The following RAB27B variants were observed in gnomAD, a reference collection of about 807,000 sequenced individuals.
RAB27B encodes the protein RAB27B, member RAS oncogene family, also known as ras-related protein Rab-27B.
RAB27B carries 15 observed loss-of-function variants against 24.6 expected under a neutral mutation model. The observed-to-expected ratio is 0.61, with a 90% CI of 0.41 to 0.94. The LOEUF (loss-of-function observed/expected upper bound fraction) is 0.94. Ranked by LOEUF, RAB27B falls within the 40% of genes least tolerant of loss-of-function variation. The pLI, the probability that RAB27B is intolerant of heterozygous loss-of-function variation, is 0.00. For missense variants in RAB27B, 261 were observed against 266.8 expected (o/e 0.98, Z 0.15); for synonymous variants, 105 against 92.5 (o/e 1.14, Z -0.78).
At chr18:54,745,134 T>C in intron 2 of RAB27B, 1 of 163,474 alleles carries the variant, frequency 6.1e-6, no homozygotes, top group Non-Finnish European at 1.3e-5. Context: ...TCCCAGCCTC[T>C]CACACAGGCA....
At chr18:54,841,375 G>A (rs1041211629) in intron 1 of RAB27B, among the ~76,000 whole-genome samples, 1 of 152,064 alleles carries the variant, frequency 6.6e-6, no homozygotes, top group Admixed American at 6.6e-5. Flanking sequence ...CATTGCATTA[G>A]GTATAAGTTA....
At chr18:54,726,093 TA>T (rs1909528702) in intron 2 of RAB27B, among the ~76,000 whole-genome samples, 3 of 151,676 alleles carry the variant, frequency 2.0e-5, no homozygotes, top group Admixed American at 6.6e-5. Flanking sequence ...TGTATTTTTA[TA>T]AGCAAGGTCC....
At chr18:54,748,996 C>T (rs1169259122) in intron 2 of RAB27B, among the ~76,000 whole-genome samples, 1 of 151,580 alleles carries the variant, frequency 6.6e-6, no homozygotes, top group Non-Finnish European at 1.5e-5. Context: ...GGGCAGAACA[C>T]GGGTTGTCTT....
chr18:54,883,042 A>G (rs1912990976), intron 3 of RAB27B, among the ~76,000 whole-genome samples: 1 of 152,114 alleles, frequency 6.6e-6, no homozygotes, highest in Admixed American at 6.6e-5. Context: ...CGAAAGATAT[A>G]TGTTAACTGT....
intron 1 of RAB27B, among the ~76,000 whole-genome samples, chr18:54,864,247 T>C (rs934229221): frequency 6.6e-6 from 1 of 152,226 alleles, no homozygotes; most frequent in African/African-American, 2.4e-5. Context: ...CCCATACTTT[T>C]CTAATAACTA....
chr18:54,781,367 G>A (rs1204059310), intron 2 of RAB27B, among the ~76,000 whole-genome samples: 1 of 151,970 alleles, frequency 6.6e-6, no homozygotes, highest in Non-Finnish European at 1.5e-5. Context: ...TTCATGCTTA[G>A]TTCAGCCAGC....
chr18:54,831,545 C>T (rs41483152), intron 1 of RAB27B, among the ~76,000 whole-genome samples: 2,963 of 152,288 alleles, frequency 0.019, 56 homozygotes, highest in South Asian at 0.088. Flanking sequence ...CTTTAATATT[C>T]GTCTAAGCCC....
chr18:54,798,071 A>G (rs768203586), intron 2 of RAB27B, among the ~76,000 whole-genome samples: 12 of 152,152 alleles, frequency 7.9e-5, no homozygotes, highest in Non-Finnish European at 1.6e-4. Flanking sequence ...CGTCTATTCT[A>G]TGATCTAACA....
At chr18:54,824,871 C>A (rs1025460945), upstream of RAB27B, among the ~76,000 whole-genome samples, 9 of 152,108 alleles carry the variant, frequency 5.9e-5, no homozygotes, top group South Asian at 1.9e-3. Flanking sequence ...ATCTGTTCAC[C>A]TCTCTTTAGG....
In RAB27B at chr18:54,889,471, T is replaced by C. The variant is rs1796184509; in HGVS notation, c.*58T>C. ...ACCAAAATATTACTTTTAAAAACAA[T>C]GACAAACCACACAATTGTTGTTGAG... On this transcript the variant is annotated 3_prime_UTR_variant, in exon 6 of 6. Coordinates refer to ENST00000262094, the MANE Select transcript of RAB27B (RefSeq NM_004163.4). The C allele has an allele frequency of 2.1e-6, 3 of 1,454,904 alleles. No individual in the cohort carries two copies. The highest frequency in any genetic ancestry group is 2.8e-6 in the Non-Finnish European group (3 of 1,082,116). 90.1% of individuals were successfully genotyped at this position (1,454,904 alleles called of 1,614,324 possible).
At chr18:54,849,630 A>G (rs1911476826) in intron 1 of RAB27B, among the ~76,000 whole-genome samples, 1 of 152,166 alleles carries the variant, frequency 6.6e-6, no homozygotes, top group Non-Finnish European at 1.5e-5. Context: ...CTGAGGCAGG[A>G]AAATCTCTTG....
chr18:54,847,403 C>A (rs1309109165), intron 1 of RAB27B, among the ~76,000 whole-genome samples: 1 of 152,170 alleles, frequency 6.6e-6, no homozygotes, highest in East Asian at 1.9e-4. Flanking sequence ...AAGAAGACAT[C>A]TGCATTTGCC....
intron 1 of RAB27B, among the ~76,000 whole-genome samples, chr18:54,855,270 GAAGCTTTGCTTCCTCA>G (rs1225342803): frequency 2.6e-5 from 4 of 152,190 alleles, no homozygotes; most frequent in Non-Finnish European, 5.9e-5. Flanking sequence ...AAATACAGAT[GAAGCTTTGCTTCCTCA>G]CTGGCTGCTC....
chr18:54,761,327 A>G (rs1225991449), intron 2 of RAB27B, among the ~76,000 whole-genome samples: 1 of 152,196 alleles, frequency 6.6e-6, no homozygotes, highest in Admixed American at 6.6e-5. Flanking sequence ...ATCAAAATAT[A>G]GAGTTGTTAC....
intron 1 of RAB27B, among the ~76,000 whole-genome samples, chr18:54,844,438 G>A (rs1481157304): frequency 2.9e-5 from 3 of 102,672 alleles, no homozygotes; most frequent in African/African-American, 8.5e-5. Flanking sequence ...ATACAGTCTT[G>A]CTCTGTCGCC....
intron 2 of RAB27B, among the ~76,000 whole-genome samples, chr18:54,723,414 A>G (rs1420232338): frequency 6.6e-6 from 1 of 152,174 alleles, no homozygotes; most frequent in Non-Finnish European, 1.5e-5. Context: ...AAATTTATCT[A>G]TTATTCAACT....
chr18:54,727,852 C>T (rs1909588853), intron 2 of RAB27B, among the ~76,000 whole-genome samples: 1 of 152,156 alleles, frequency 6.6e-6, no homozygotes, highest in African/African-American at 2.4e-5. Flanking sequence ...AATGCTGGTG[C>T]TCCTTTATTT....
intron 2 of RAB27B, among the ~76,000 whole-genome samples, chr18:54,765,079 CAAAA>C (rs559457663): frequency 6.7e-6 from 1 of 149,108 alleles, no homozygotes. Flanking sequence ...AAAAACAAAA[CAAAA>C]AAAAACAAAA....
At chr18:54,851,111 G>C (rs1911570147) in intron 1 of RAB27B, among the ~76,000 whole-genome samples, 1 of 152,034 alleles carries the variant, frequency 6.6e-6, no homozygotes, top group South Asian at 2.1e-4. Flanking sequence ...ACAAGTGTTT[G>C]TTAATATTCT....
Sources: allele counts gnomAD v4.1 joint callset (sites outside exome capture counted in the v4.1 genomes callset), GRCh38; gene constraint gnomAD v4.1.1; transcripts MANE v1.5; gene names NCBI Gene and HGNC (gene_info 2026-07-23, HGNC 2026-07-21).